STK32B: variants seen among roughly 807,000 people sequenced by gnomAD.
The protein encoded by STK32B is serine/threonine kinase 32B, also known as serine/threonine-protein kinase 32B.
In STK32B, 43 loss-of-function variants were observed where a neutral mutation model predicts 52.6. That is an observed-to-expected ratio of 0.82 (90% CI 0.64 to 1.05). STK32B has a LOEUF of 1.05. STK32B is among the 50% of genes least tolerant of loss of function. The pLI is 0.00. For missense variants in STK32B, 621 were observed against 534.6 expected, an observed-to-expected ratio of 1.16 and a Z score of -1.59; for synonymous variants, 238 against 204.3, an observed-to-expected ratio of 1.17 and a Z score of -1.41.
chr4:5,494,014 T>A (rs1038257218), intron 11 of STK32B, among the ~76,000 whole-genome samples: 2 of 152,272 alleles, frequency 1.3e-5, no homozygotes, highest in African/African-American at 2.4e-5. Context: ...TGGTCAATTT[T>A]GGAATAGGTG....
chr4:5,161,965 G>A (rs1015273302), intron 2 of STK32B, among the ~76,000 whole-genome samples: 1 of 152,158 alleles, frequency 6.6e-6, no homozygotes, highest in African/African-American at 2.4e-5. Context: ...TCAAGCTGGG[G>A]GATGGTAGAG....
intron 6 of STK32B, among the ~76,000 whole-genome samples, chr4:5,421,914 G>A (rs574064925): frequency 3.3e-5 from 5 of 152,350 alleles, no homozygotes; most frequent in Admixed American, 6.5e-5. Flanking sequence ...CAGTGAAGGA[G>A]CCAGAATTTG....
chr4:5,434,432 A>ATGTG (rs544048239), intron 6 of STK32B, among the ~76,000 whole-genome samples: 338 of 145,766 alleles, frequency 2.3e-3, no homozygotes, highest in African/African-American at 7.5e-3. Flanking sequence ...GTGTGCATGT[A>ATGTG]TGTGTGTGTG....
At chr4:5,260,104 C>T (rs979842068) in intron 3 of STK32B, among the ~76,000 whole-genome samples, 1 of 152,044 alleles carries the variant, frequency 6.6e-6, no homozygotes, top group Non-Finnish European at 1.5e-5. Flanking sequence ...CACACGTGCA[C>T]GCACACACAC....
At chr4:5,120,886 A>G (rs1714988184) in intron 1 of STK32B, among the ~76,000 whole-genome samples, 1 of 151,588 alleles carries the variant, frequency 6.6e-6, no homozygotes, top group African/African-American at 2.4e-5. Context: ...AAATTATATT[A>G]TAAAATTATA....
intron 3 of STK32B, among the ~76,000 whole-genome samples, chr4:5,311,914 A>ATATATATATGT (rs143725868): frequency 1.9e-4 from 28 of 145,478 alleles, no homozygotes; most frequent in African/African-American, 7.3e-4. Flanking sequence ...ATATATATAT[A>ATATATATATGT]TTTTTTTTTA....
At chr4:5,245,175 G>A (rs916780347) in intron 3 of STK32B, among the ~76,000 whole-genome samples, 1 of 152,090 alleles carries the variant, frequency 6.6e-6, no homozygotes, top group Non-Finnish European at 1.5e-5. Context: ...GTTGACAGTG[G>A]GGTGTTAAAG....
chr4:5,083,391 CT>C (rs907385083), intron 1 of STK32B, among the ~76,000 whole-genome samples: 1 of 152,132 alleles, frequency 6.6e-6, no homozygotes, highest in African/African-American at 2.4e-5. Context: ...GTATTTTCAT[CT>C]TTGGCTCATT....
chr4:5,187,625 G>C (rs966548300), intron 3 of STK32B, among the ~76,000 whole-genome samples: 2 of 151,326 alleles, frequency 1.3e-5, no homozygotes, highest in East Asian at 3.9e-4. Context: ...GGGCGGGGGA[G>C]GGGGGGGACA....
At chr4:5,344,829 C>G (rs1733340868) in intron 4 of STK32B, among the ~76,000 whole-genome samples, 1 of 152,002 alleles carries the variant, frequency 6.6e-6, no homozygotes, top group Admixed American at 6.6e-5. Context: ...AGGCCAAGTG[C>G]TGTGGCTTAC....
the STK32B span, among the ~76,000 whole-genome samples, chr4:5,037,105 T>C: frequency 2.0e-5 from 3 of 152,168 alleles, no homozygotes; most frequent in Non-Finnish European, 4.4e-5. Context: ...GATATTTATT[T>C]GTTGTGGGTG....
At chr4:5,112,707 A>G (rs975189262) in intron 1 of STK32B, among the ~76,000 whole-genome samples, 2 of 152,224 alleles carry the variant, frequency 1.3e-5, no homozygotes, top group East Asian at 1.9e-4. Flanking sequence ...CAAATGAACC[A>G]TCACAAAGCT....
chr4:5,331,829 C>T (rs1237847282), intron 4 of STK32B, among the ~76,000 whole-genome samples: 1 of 152,144 alleles, frequency 6.6e-6, no homozygotes, highest in Non-Finnish European at 1.5e-5. Context: ...AGTGCTGGCT[C>T]TGGGCTTTGC....
rs189833426 is a variant in STK32B, at chr4:5,254,949, G to T, written c.261-76271G>T. Among the ~76,000 whole-genome samples, 261 of 140,620 alleles carry T rather than the reference G, an allele frequency of 1.9e-3. 2 individuals carry two copies. The highest frequency in any genetic ancestry group is 7.4e-3 in the African/African-American group (249 of 33,482). 92.3% of individuals were successfully genotyped at this position (140,620 alleles called of 152,430 possible). ...ATATAGGATTCTTAGCTTATTACTA[G>T]TTGGTATCATTCACTAATATATATA... On this transcript the variant is annotated intron_variant, in intron 3 of 11. Coordinates refer to ENST00000282908, the MANE Select transcript of STK32B (RefSeq NM_018401.3).
chr4:5,246,652 AT>A (rs1168856074), intron 3 of STK32B, among the ~76,000 whole-genome samples: 1 of 152,004 alleles, frequency 6.6e-6, no homozygotes, highest in East Asian at 1.9e-4. Context: ...AGGTGCTCTG[AT>A]TTTTAGAGTT....
chr4:5,074,596 A>C (rs1410136317), intron 1 of STK32B, among the ~76,000 whole-genome samples: 1 of 152,118 alleles, frequency 6.6e-6, no homozygotes, highest in Non-Finnish European at 1.5e-5. Context: ...ATGGTATATT[A>C]TAGAAGCTAG....
At chr4:5,355,836 A>G (rs1012299504) in intron 4 of STK32B, among the ~76,000 whole-genome samples, 6 of 152,344 alleles carry the variant, frequency 3.9e-5, no homozygotes, top group South Asian at 2.1e-4. Flanking sequence ...TCCTTGAGGA[A>G]CACAATCCTA....
intron 1 of STK32B, among the ~76,000 whole-genome samples, chr4:5,110,763 G>A (rs1466954276): frequency 6.6e-6 from 1 of 151,552 alleles, no homozygotes; most frequent in Non-Finnish European, 1.5e-5. Flanking sequence ...TAGACAAATG[G>A]GACTTAATTA....
At chr4:5,407,082 C>T (rs879300810) in intron 5 of STK32B, among the ~76,000 whole-genome samples, 7 of 152,124 alleles carry the variant, frequency 4.6e-5, no homozygotes, top group Non-Finnish European at 8.8e-5. Context: ...GCAGCCAAGC[C>T]ACATCTTGAA....
Sources: gnomAD v4.1 joint callset for allele counts (sites outside exome capture counted in the v4.1 genomes callset) on GRCh38, gnomAD v4.1.1 for gene constraint, MANE v1.5 for transcripts, NCBI Gene and HGNC (gene_info 2026-07-23, HGNC 2026-07-21) for gene names.